The following RGPD3 variants were observed in gnomAD, a reference collection of about 807,000 sequenced individuals.
The protein encoded by RGPD3 is RANBP2 like and GRIP domain containing 3, also known as ranBP2-like and GRIP domain-containing protein 3.
In RGPD3, 62 loss-of-function variants were observed where a neutral mutation model predicts 154.5. The ratio of observed to expected loss-of-function variants is 0.40; its 90% confidence interval spans 0.33 to 0.50. The LOEUF (loss-of-function observed/expected upper bound fraction) is 0.50. Ranked by LOEUF, RGPD3 falls within the 20% of genes least tolerant of loss-of-function variation. RGPD3 has a pLI of 0.59. For synonymous variants in RGPD3, 308 were observed against 607.0 expected (o/e 0.51, Z 7.24); for missense variants, 919 against 1,716.8 (o/e 0.54, Z 8.21).
chr2:106,411,654 T>C (rs1676674883), intron 22 of RGPD3, among the ~76,000 whole-genome samples: 1 of 151,338 alleles, frequency 6.6e-6, no homozygotes, highest in African/African-American at 2.4e-5. Flanking sequence ...TGGTGAAACC[T>C]CGTCTCTACT....
At chr2:106,467,820 C>A (rs1375083409) in intron 1 of RGPD3, among the ~76,000 whole-genome samples, 1 of 141,538 alleles carries the variant, frequency 7.1e-6, no homozygotes, top group Non-Finnish European at 1.5e-5. Flanking sequence ...GCGGCCTCAA[C>A]AGAGCGCGCC....
chr2:106,410,020 C>A (rs981599760), intron 22 of RGPD3, among the ~76,000 whole-genome samples: 1 of 151,562 alleles, frequency 6.6e-6, no homozygotes, highest in African/African-American at 2.4e-5. Flanking sequence ...GGATTACAGG[C>A]ATGCACCACC....
At chr2:106,418,347 G>C (rs1178493946) in intron 20 of RGPD3, among the ~76,000 whole-genome samples, 1 of 150,258 alleles carries the variant, frequency 6.7e-6, no homozygotes, top group Non-Finnish European at 1.5e-5. Flanking sequence ...CAATTTTTCA[G>C]GATTAGGTAT....
chr2:106,421,993 CCA>C (rs200434422), intron 20 of RGPD3, among the ~76,000 whole-genome samples: 2,004 of 151,656 alleles, frequency 0.013, 42 homozygotes, highest in African/African-American at 0.045. Flanking sequence ...TTTCATACAG[CCA>C]CAGTTATTAA....
intron 1 of RGPD3, 88 bp downstream of exon 1, chr2:106,468,129 C>G: frequency 2.0e-6 from 3 of 1,493,066 alleles, no homozygotes; most frequent in Non-Finnish European, 2.7e-6. Context: ...GGAGCCATGA[C>G]GCCTGAGCCA....
intron 20 of RGPD3, among the ~76,000 whole-genome samples, chr2:106,422,761 G>A (rs1170222147): frequency 8.0e-5 from 12 of 149,170 alleles, no homozygotes; most frequent in South Asian, 2.2e-4. Flanking sequence ...ACGTTAATGC[G>A]CATGATTCAA....
intron 7 of RGPD3, among the ~76,000 whole-genome samples, chr2:106,446,345 A>C (rs1677930103): frequency 6.6e-6 from 1 of 151,680 alleles, no homozygotes; most frequent in Admixed American, 6.6e-5. Flanking sequence ...AGGCAGGTGG[A>C]TGACTAGGTC....
intron 20 of RGPD3, among the ~76,000 whole-genome samples, chr2:106,420,469 C>T (rs1164798474): frequency 2.0e-4 from 30 of 151,944 alleles, no homozygotes; most frequent in African/African-American, 6.8e-4. Context: ...CAACTGGTGA[C>T]AGGGAAACAT....
rs773169599 is a variant in RGPD3 at position 106,405,231 on chromosome 2, T to G, written c.5267-2A>C. ...AACGGGAAGCATTTTATTCCTCACC[T>G]TTGGAAAGTAAAACAAAAAAAAAGA... On this transcript the variant is annotated splice_acceptor_variant, in intron 22 of 22. Transcript: ENST00000409886. LOFTEE classifies it high-confidence loss of function. The G allele has an allele frequency of 1.9e-6, 3 of 1,606,866 alleles. No individual in the cohort carries two copies. The East Asian group carries it at 6.7e-5, about 36-fold the overall frequency.
At position 106,433,192 on chromosome 2, in the gene RGPD3, C is replaced by G. The variant is rs575777549; in HGVS notation, c.2299G>C (p.Gly767Arg). ...YSEGGPLYKN[G>R]SLRNADSEIK... ...TCTGAATCCGCATTTCGCAAAGAAC[C>G]ATTTTTATAGAGAGGACCTCCTTCA... The change falls in exon 16 of 23, where the codon GGT becomes CGT. Residue 767 changes from glycine to arginine, a missense_variant. Coordinates refer to ENST00000409886, the MANE Select transcript of RGPD3 (RefSeq NM_001144013.2). 2.5e-6 allele frequency: 4 copies of G among 1,611,754 alleles called. No individual in the cohort carries two copies. The East Asian group carries it at 8.9e-5, about 36-fold the overall frequency.
Position 106,423,750 on chromosome 2 carries a change from C to A in RGPD3, c.4217G>T (p.Cys1406Phe). ...LMRRDQVLKL[C>F]ANHRITPDMS... ...GTCTGGAGTTATTCTGTGATTGGCACAAAGTTTTAATACTTGGTCCCTTCT... is the reference window on the plus strand; with the variant it reads ...GTCTGGAGTTATTCTGTGATTGGCAAAAAGTTTTAATACTTGGTCCCTTCT... The change falls in exon 20 of 23, where the codon TGT (cysteine) becomes TTT (phenylalanine). Residue 1406 changes from cysteine (C) to phenylalanine (F), a missense_variant. Cys to Phe is a radical substitution (Grantham distance 205, BLOSUM62 -2). Transcript: ENST00000409886. 6.2e-7 allele frequency: 1 copy of A among 1,611,852 alleles called. No individual in the cohort carries two copies. The highest frequency in any genetic ancestry group is 1.7e-5 in the Admixed American group (1 of 59,986).
At chr2:106,412,594 C>T (rs1317444476) in intron 22 of RGPD3, among the ~76,000 whole-genome samples, 2 of 151,762 alleles carry the variant, frequency 1.3e-5, no homozygotes. Flanking sequence ...AGGTGTGAAC[C>T]ACCGGCGCCT....
chr2:106,412,499 G>A (rs1264607667), intron 22 of RGPD3, among the ~76,000 whole-genome samples: 8 of 151,044 alleles, frequency 5.3e-5, no homozygotes, highest in East Asian at 4.0e-4. Flanking sequence ...TAGTAGAGAC[G>A]AGATTTCACC....
chr2:106,429,115 C>A (rs1052143401), intron 18 of RGPD3, among the ~76,000 whole-genome samples: 1 of 152,026 alleles, frequency 6.6e-6, no homozygotes, highest in African/African-American at 2.4e-5. Flanking sequence ...TTATGTAAGG[C>A]AAGTATTATC....
intron 4 of RGPD3, among the ~76,000 whole-genome samples, chr2:106,455,228 AGT>A (rs1678212692): frequency 1.3e-5 from 2 of 148,974 alleles, no homozygotes; most frequent in Non-Finnish European, 3.0e-5. Flanking sequence ...ACTACTCAGA[AGT>A]AAAGGAACCA....
chr2:106,461,799 C>T (rs1186678662), intron 1 of RGPD3, among the ~76,000 whole-genome samples: 3 of 151,908 alleles, frequency 2.0e-5, no homozygotes, highest in African/African-American at 7.3e-5. Flanking sequence ...ACCTGCAATC[C>T]CAGCACTGGC....
chr2:106,409,871 C>CTTTTTTTTTTTTTTTT (rs57602292), intron 22 of RGPD3, among the ~76,000 whole-genome samples: 2 of 94,440 alleles, frequency 2.1e-5, no homozygotes, highest in Non-Finnish European at 4.1e-5. Flanking sequence ...TTGTAGTTTA[C>CTTTTTTTTTTTTTTTT]TTTTTTTTTT....
At chr2:106,410,425 C>G (rs1240319247) in intron 22 of RGPD3, among the ~76,000 whole-genome samples, 1 of 151,972 alleles carries the variant, frequency 6.6e-6, no homozygotes, top group Non-Finnish European at 1.5e-5. Flanking sequence ...AATATCTGTT[C>G]TTGGTATCCC....
chr2:106,434,103 C>T, intron 15 of RGPD3, 125 bp downstream of exon 15: 2 of 1,543,468 alleles, frequency 1.3e-6, no homozygotes, highest in South Asian at 2.3e-5. Context: ...ACACACATCC[C>T]TTCTGTGCAT....
Sources: gnomAD v4.1 joint callset for allele counts (sites outside exome capture counted in the v4.1 genomes callset) on GRCh38, gnomAD v4.1.1 for gene constraint, MANE v1.5 for transcripts, NCBI Gene and HGNC (gene_info 2026-07-23, HGNC 2026-07-21) for gene names.